The following LYPD3 variants were observed in gnomAD, a reference collection of about 807,000 sequenced individuals.
LYPD3 encodes LY6/PLAUR domain containing 3, also known as ly6/PLAUR domain-containing protein 3.
LYPD3 carries 22 observed loss-of-function variants against 21.7 expected under a neutral mutation model. That is an observed-to-expected ratio of 1.01 (90% CI 0.72 to 1.45). The LOEUF is 1.45. Among genes scored for constraint, LYPD3 ranks in the 40% most tolerant of loss-of-function variants. LYPD3 has a pLI of 0.00. For synonymous variants in LYPD3, 179 were observed against 203.0 expected (o/e 0.88, Z 1.00); for missense variants, 471 against 466.9 (o/e 1.01, Z -0.08).
Position 43,463,663 on chromosome 19 carries a change from C to T in LYPD3, c.318G>A (p.Gln106=). 1 of 1,609,690 alleles carries T rather than the reference C, an allele frequency of 6.2e-7. No homozygotes were observed. Among genetic ancestry groups the T allele is most frequent in the Non-Finnish European group, 8.5e-7 (1 of 1,180,002 alleles). The part of the protein sequence containing the change: ...LHGLLAFIQL[Q]QCAQDRCNAK... ...CGTTGCAGCGATCCTGAGCGCATTG[C>T]TGCAGCTGGATGAACGCCAGAAGCC... is the stretch of plus-strand genomic sequence containing the variant. The change falls in exon 3 of 5, where the codon CAG becomes CAA. Residue 106 remains glutamine (Q), a synonymous_variant. Coordinates refer to ENST00000244333, the MANE Select transcript of LYPD3 (RefSeq NM_014400.3).
chr19:43,465,481 C>T lies in LYPD3; in HGVS notation c.79+12G>A, dbSNP rs1303025669. The T allele has an allele frequency of 1.2e-6, 2 of 1,607,992 alleles. No individual in the cohort carries two copies. The highest frequency in any genetic ancestry group is 2.2e-5 in the East Asian group (1 of 44,864). On this transcript the variant is annotated intron_variant, in intron 1 of 4. Transcript: ENST00000244333. Reference sequence around the variant, plus strand: ...ACTCTACCCCCTCCACCTCTCCGGGCAGCAGACCCACCTCCGCGAAGCAGC... The same window carrying T: ...ACTCTACCCCCTCCACCTCTCCGGGTAGCAGACCCACCTCCGCGAAGCAGC...
chr19:43,462,708 T>C (rs976288601), intron 4 of LYPD3, among the ~76,000 whole-genome samples: 2 of 152,186 alleles, frequency 1.3e-5, no homozygotes, highest in African/African-American at 2.4e-5. Context: ...TTCCATAGCA[T>C]AACTGGCAGG....
rs1970803096 is a variant in LYPD3, at chr19:43,464,322, C to T, written c.211+3G>A. 2 of 1,602,752 alleles carry T rather than the reference C, an allele frequency of 1.2e-6. No homozygotes were observed. The highest frequency in any genetic ancestry group is 8.5e-7 in the Non-Finnish European group (1 of 1,175,418). On this transcript the variant is annotated splice_donor_region_variant and intron_variant, in intron 2 of 4. Coordinates refer to ENST00000244333, the MANE Select transcript of LYPD3 (RefSeq NM_014400.3). Reference sequence around the variant, plus strand: ...TGTGCGTGGCCCGGGGGTCCCCACTCACTGGTCTCCACCGCCCCCACGGCC... The same window carrying T: ...TGTGCGTGGCCCGGGGGTCCCCACTTACTGGTCTCCACCGCCCCCACGGCC...
Position 43,463,764 on chromosome 19 carries a change from C to G in LYPD3, c.217G>C (p.Gly73Arg), listed in dbSNP as rs367798614. 13 of 1,612,766 alleles carry G rather than the reference C, an allele frequency of 8.1e-6. No individual in the cohort carries two copies. Among genetic ancestry groups the G allele is most frequent in the Non-Finnish European group, 1.1e-5 (13 of 1,179,966 alleles). The stretch of plus-strand genomic sequence containing the variant: ...CCCCGCACTGCCAGCGAGAATTGTC[C>G]GTGGACTAGGGAGAGGGACAAGGGC... ...EAVGAVETIH[G>R]QFSLAVRGCG... Residue 73 changes from glycine to arginine, a missense_variant, in exon 3 of 5, where the codon GGA becomes CGA. Physicochemically the swap from Gly to Arg is moderately radical, Grantham distance 125. Coordinates refer to ENST00000244333, the MANE Select transcript of LYPD3 (RefSeq NM_014400.3).
intron 4 of LYPD3, 152 bp from the exon 5 acceptor site, chr19:43,461,999 G>A (rs1025964279): frequency 2.6e-5 from 18 of 691,394 alleles, no homozygotes; most frequent in Middle Eastern, 3.9e-4. Context: ...AGCCGAGGCA[G>A]GTGGATCACT....
chr19:43,462,638 T>C (rs550692163), intron 4 of LYPD3, among the ~76,000 whole-genome samples: 2 of 152,182 alleles, frequency 1.3e-5, no homozygotes, highest in East Asian at 1.9e-4. Flanking sequence ...GGCTAGGCGA[T>C]AGAGCAAGAT....
rs765578733 is a variant in LYPD3 at position 43,463,728 on chromosome 19, C to T, written c.253G>A (p.Gly85Arg). 12 of 1,613,346 alleles carry T rather than the reference C, an allele frequency of 7.4e-6. No homozygotes were observed. The highest frequency in any genetic ancestry group is 1.0e-5 in the Non-Finnish European group (12 of 1,180,040). Residue 85 changes from glycine to arginine, a missense_variant, in exon 3 of 5, where the codon GGA (glycine) becomes AGA (arginine). Transcript: ENST00000244333. Reference protein sequence around the residue: ...FSLAVRGCGSGLPGKNDRGLD... With the variant: ...FSLAVRGCGSRLPGKNDRGLD... ...CCGCGGTCATTCTTGCCGGGGAGTC[C>T]CGAACCGCAACCCCGCACTGCCAGC...
chr19:43,465,259 G>A (rs1230971998), intron 1 of LYPD3, among the ~76,000 whole-genome samples: 2 of 152,056 alleles, frequency 1.3e-5, no homozygotes, highest in East Asian at 1.9e-4. Flanking sequence ...GCAGCTTCAG[G>A]ATAGGAAAAT....
In LYPD3 at chr19:43,463,666, C is replaced by T; in HGVS notation, c.315G>A (p.Leu105=). The T allele has an allele frequency of 6.2e-7, 1 of 1,610,054 alleles. No homozygotes were observed. Among genetic ancestry groups the T allele is most frequent in the Non-Finnish European group, 8.5e-7 (1 of 1,180,012 alleles). The change falls in exon 3 of 5, where the codon CTG becomes CTA. Residue 105 remains leucine (L), a synonymous_variant. Coordinates refer to ENST00000244333, the MANE Select transcript of LYPD3 (RefSeq NM_014400.3). The part of the protein sequence containing the change: ...DLHGLLAFIQ[L]QQCAQDRCNA... ...TGCAGCGATCCTGAGCGCATTGCTGCAGCTGGATGAACGCCAGAAGCCCGT... is the reference window on the plus strand; with the variant it reads ...TGCAGCGATCCTGAGCGCATTGCTGTAGCTGGATGAACGCCAGAAGCCCGT...
rs763828681 is a variant in LYPD3 at position 43,461,564 on chromosome 19, G to C, written c.828C>G (p.Thr276=). ...TSTTKPMPAP[T]SQTPRQGVEH... ...CTACTCCCTGTCTCGGAGTCTGACT[G>C]GTTGGCGCTGGCATGGGTTTGGTGG... The change falls in exon 5 of 5, where the codon ACC becomes ACG. Residue 276 remains threonine, a synonymous_variant. Coordinates refer to ENST00000244333, the MANE Select transcript of LYPD3 (RefSeq NM_014400.3). The C allele has an allele frequency of 2.5e-6, 4 of 1,614,184 alleles. No individual in the cohort carries two copies. In the East Asian group the frequency reaches 6.7e-5, roughly 27 times the overall value.
At chr19:43,461,918 G>A in intron 4 of LYPD3, 71 bp from the exon 5 acceptor site, 1 of 1,521,986 alleles carries the variant, frequency 6.6e-7, no homozygotes, top group Non-Finnish European at 8.9e-7. Flanking sequence ...ACAAAACTTA[G>A]AGGCATCAGA....
intron 4 of LYPD3, 128 bp downstream of exon 4, chr19:43,462,998 G>A: frequency 1.0e-6 from 1 of 961,536 alleles, no homozygotes; most frequent in South Asian, 1.5e-5. Context: ...CAAGCACCTA[G>A]GCCCCACGAT....
At chr19:43,461,948 C>CGG in intron 4 of LYPD3, 101 bp from the exon 5 acceptor site, 1 of 1,334,590 alleles carries the variant, frequency 7.5e-7, no homozygotes, top group South Asian at 1.4e-5. Flanking sequence ...AGAACCTGAC[C>CGG]GGGCGTGGTG....
At chr19:43,463,578 T>C (rs1317657342) in intron 3 of LYPD3, 21 bp downstream of exon 3, 1 of 1,597,824 alleles carries the variant, frequency 6.3e-7, no homozygotes, top group Non-Finnish European at 8.5e-7. Flanking sequence ...CCCCCGCAGC[T>C]ACGGCCCGGC....
At chr19:43,463,410 C>T (rs754668319) in intron 3 of LYPD3, 123 bp from the exon 4 acceptor site, 2 of 1,373,316 alleles carry the variant, frequency 1.5e-6, no homozygotes, top group Non-Finnish European at 2.0e-6. Context: ...CTAGTAGCCC[C>T]GCCCCAGCGC....
At chr19:43,463,095 C>T (rs1212961677) in intron 4 of LYPD3, 31 bp downstream of exon 4, 12 of 1,608,450 alleles carry the variant, frequency 7.5e-6, no homozygotes, top group East Asian at 2.2e-5. Flanking sequence ...ACCACAACTC[C>T]CGTAGGTCCC....
chr19:43,464,327 G>A lies in LYPD3; in HGVS notation c.209C>T (p.Thr70Ile). 1 of 1,605,298 alleles carries A rather than the reference G, an allele frequency of 6.2e-7. No individual in the cohort carries two copies. The highest frequency in any genetic ancestry group is 1.1e-5 in the South Asian group (1 of 90,090). Reference sequence around the variant, plus strand: ...GTGGCCCGGGGGTCCCCACTCACTGGTCTCCACCGCCCCCACGGCCTCGGT... The same window carrying A: ...GTGGCCCGGGGGTCCCCACTCACTGATCTCCACCGCCCCCACGGCCTCGGT... ...VCTEAVGAVE[T>I]IHGQFSLAVR... Residue 70 changes from threonine to isoleucine, a missense_variant and splice_region_variant, in exon 2 of 5, where the codon ACC (threonine) becomes ATC (isoleucine). Physicochemically the swap from Thr to Ile is moderately conservative, Grantham distance 89 (BLOSUM62 -1). Coordinates refer to ENST00000244333, the MANE Select transcript of LYPD3 (RefSeq NM_014400.3).
intron 4 of LYPD3, among the ~76,000 whole-genome samples, 170 bp downstream of exon 4, chr19:43,462,956 A>C (rs1599922134): frequency 6.6e-6 from 1 of 152,234 alleles, no homozygotes; most frequent in Non-Finnish European, 1.5e-5. Context: ...TGTTGGGGGA[A>C]GGGACTGCAT....
chr19:43,462,898 C>T (rs1205744581), intron 4 of LYPD3, among the ~76,000 whole-genome samples: 2 of 152,182 alleles, frequency 1.3e-5, no homozygotes, highest in African/African-American at 2.4e-5. Context: ...ATGCATTTCC[C>T]TCCAAAACAC....
Sources: allele counts gnomAD v4.1 joint callset (sites outside exome capture counted in the v4.1 genomes callset), GRCh38; gene constraint gnomAD v4.1.1; transcripts MANE v1.5; gene names NCBI Gene and HGNC (gene_info 2026-07-23, HGNC 2026-07-21).